ARB2A: variants seen among roughly 807,000 people sequenced by gnomAD.
ARB2A encodes ARB2 cotranscriptional regulator A.
the ARB2A span, among the ~76,000 whole-genome samples, chr5:93,744,434 C>CAAAAAAAAAAAAAAAAA: frequency 7.6e-4 from 11 of 14,534 alleles, 2 homozygotes; most frequent in African/African-American, 1.9e-3. Context: ...GACTCAGTCT[C>CAAAAAAAAAAAAAAAAA]AAAAAAAAAA....
At chr5:94,044,001 A>C in the ARB2A span, among the ~76,000 whole-genome samples, 1 of 152,216 alleles carries the variant, frequency 6.6e-6, no homozygotes, top group Non-Finnish European at 1.5e-5. Flanking sequence ...ACTTGTTACT[A>C]ATTTCTAGTC....
At chr5:93,775,362 T>C in the ARB2A span, among the ~76,000 whole-genome samples, 1 of 152,212 alleles carries the variant, frequency 6.6e-6, no homozygotes, top group East Asian at 1.9e-4. Flanking sequence ...CCAGCACCCA[T>C]GGCCACAGCA....
At chr5:94,085,571 C>T in the ARB2A span, among the ~76,000 whole-genome samples, 15 of 152,162 alleles carry the variant, frequency 9.9e-5, no homozygotes, top group Middle Eastern at 3.2e-3. Context: ...GTAAAGCAAG[C>T]GGAAAGCTGA....
At chr5:94,067,399 T>C in the ARB2A span, among the ~76,000 whole-genome samples, 1 of 152,178 alleles carries the variant, frequency 6.6e-6, no homozygotes, top group African/African-American at 2.4e-5. Context: ...AGTCAAATTG[T>C]CCTTTTGCAT....
the ARB2A span, among the ~76,000 whole-genome samples, chr5:94,004,998 CAAAAAAAA>C: frequency 1.4e-3 from 17 of 12,552 alleles, no homozygotes; most frequent in African/African-American, 3.0e-3. Flanking sequence ...ATTTTATCAG[CAAAAAAAA>C]AAAAAAAAAA....
the ARB2A span, among the ~76,000 whole-genome samples, chr5:93,885,580 C>G: frequency 2.0e-5 from 3 of 151,558 alleles, no homozygotes; most frequent in East Asian, 5.8e-4. Context: ...AAAGACAAAG[C>G]ATACATAAAG....
At chr5:93,929,985 G>A in the ARB2A span, among the ~76,000 whole-genome samples, 1 of 152,112 alleles carries the variant, frequency 6.6e-6, no homozygotes, top group South Asian at 2.1e-4. Flanking sequence ...GACCAGACAA[G>A]AAATGACACT....
At chr5:93,840,128 G>T in the ARB2A span, among the ~76,000 whole-genome samples, 1 of 152,094 alleles carries the variant, frequency 6.6e-6, no homozygotes, top group Non-Finnish European at 1.5e-5. Context: ...ACTTTTTGAT[G>T]TGGGTATTTA....
the ARB2A span, among the ~76,000 whole-genome samples, chr5:94,025,517 A>C: frequency 2.0e-5 from 3 of 152,218 alleles, no homozygotes; most frequent in African/African-American, 7.2e-5. Flanking sequence ...TCAACATATG[A>C]ATGGCGTCAG....
the ARB2A span, among the ~76,000 whole-genome samples, chr5:93,676,234 A>C: frequency 1.6e-4 from 24 of 152,230 alleles, no homozygotes; most frequent in African/African-American, 5.5e-4. Context: ...TATCAAGAAA[A>C]AAAAAATGCT....
chr5:94,009,380 A>G, the ARB2A span, among the ~76,000 whole-genome samples: 1 of 152,024 alleles, frequency 6.6e-6, no homozygotes, highest in Non-Finnish European at 1.5e-5. Context: ...TCTTTGTGTG[A>G]ATTTGCTACT....
chr5:93,682,100 T>C, the ARB2A span, among the ~76,000 whole-genome samples: 1 of 152,172 alleles, frequency 6.6e-6, no homozygotes, highest in African/African-American at 2.4e-5. Context: ...AAATGAGATT[T>C]TTATCCCAAT....
chr5:93,844,809 T>C, the ARB2A span, among the ~76,000 whole-genome samples: 1 of 152,240 alleles, frequency 6.6e-6, no homozygotes, highest in East Asian at 1.9e-4. Flanking sequence ...AACTATATTA[T>C]CATTTAAGAC....
the ARB2A span, among the ~76,000 whole-genome samples, chr5:93,966,788 T>C: frequency 2.6e-5 from 4 of 152,182 alleles, no homozygotes; most frequent in South Asian, 6.2e-4. Context: ...CTCACCTCTA[T>C]TTGCCTCTGG....
the ARB2A span, among the ~76,000 whole-genome samples, chr5:94,009,932 T>A: frequency 6.6e-6 from 1 of 151,908 alleles, no homozygotes; most frequent in African/African-American, 2.4e-5. Context: ...TTTTTTTTTT[T>A]TAACCCAATT....
At chr5:94,028,989 G>A in the ARB2A span, among the ~76,000 whole-genome samples, 17 of 151,960 alleles carry the variant, frequency 1.1e-4, no homozygotes, top group East Asian at 3.9e-4. Context: ...TTTGGGTGGC[G>A]GGGGGAGGGA....
At chr5:93,772,845 G>A in the ARB2A span, among the ~76,000 whole-genome samples, 1 of 152,224 alleles carries the variant, frequency 6.6e-6, no homozygotes, top group South Asian at 2.1e-4. Context: ...CAGTGAGCAA[G>A]CTAGAGGACA....
At chr5:94,035,731 T>A in the ARB2A span, among the ~76,000 whole-genome samples, 2 of 152,030 alleles carry the variant, frequency 1.3e-5, no homozygotes, top group African/African-American at 4.8e-5. Context: ...CTGGAAACCA[T>A]CATTCTCAGC....
At chr5:93,720,593 A>C in the ARB2A span, among the ~76,000 whole-genome samples, 2 of 152,200 alleles carry the variant, frequency 1.3e-5, no homozygotes, top group Non-Finnish European at 2.9e-5. Flanking sequence ...CCATTAAGAG[A>C]AAAAATGAAA....
Sources: allele counts gnomAD v4.1 joint callset (sites outside exome capture counted in the v4.1 genomes callset), GRCh38; gene constraint gnomAD v4.1.1; transcripts MANE v1.5; gene names NCBI Gene and HGNC (gene_info 2026-07-23, HGNC 2026-07-21).